Variants in ULK4 observed in about 807,000 individuals in gnomAD.
The protein encoded by ULK4 is unc-51 like kinase 4, also known as inactive serine/threonine-protein kinase ULK4.
A neutral mutation model predicts 160.6 loss-of-function variants in ULK4; 133 were observed. That is an observed-to-expected ratio of 0.83 (90% CI 0.72 to 0.96). The LOEUF (loss-of-function observed/expected upper bound fraction) is 0.96, where lower values mean the gene tolerates loss of function less well. Among genes scored for constraint, ULK4 ranks in the 40% least tolerant of loss-of-function variants. The probability of loss-of-function intolerance (pLI) is 0.00; values close to 1 mark genes in which losing one functional copy is unlikely to be tolerated. For synonymous variants in ULK4, 534 were observed against 539.8 expected (o/e 0.99, Z 0.15); for missense variants, 1,580 against 1,499.5 (o/e 1.05, Z -0.89).
chr3:41,819,033 G>A (rs1196918398), intron 19 of ULK4, among the ~76,000 whole-genome samples: 1 of 152,106 alleles, frequency 6.6e-6, no homozygotes, highest in Admixed American at 6.6e-5. Flanking sequence ...CCTCAAAATG[G>A]CAATCTGACA....
chr3:41,902,731 CAAAA>C (rs947945117), intron 12 of ULK4, among the ~76,000 whole-genome samples: 1 of 150,956 alleles, frequency 6.6e-6, no homozygotes, highest in Non-Finnish European at 1.5e-5. Context: ...CTCACATTGC[CAAAA>C]AAAAGATGGA....
In ULK4 at chr3:41,498,720, C is replaced by T. The variant is rs560485829; in HGVS notation, c.3227-35467G>A. Among the ~76,000 whole-genome samples, 632 of 152,102 alleles carry T rather than the reference C, an allele frequency of 4.2e-3. 6 individuals carry two copies. Among genetic ancestry groups the T allele is most frequent in the African/African-American group, 0.014 (600 of 41,512 alleles). The stretch of plus-strand genomic sequence containing the variant: ...ACGCCATTCTCCTGCCTCAGCCTCC[C>T]GAGTAGCTGGGACTACAGGTGCCCG... On this transcript the variant is annotated intron_variant, in intron 32 of 36. Transcript: ENST00000301831.
At chr3:41,847,758 G>C (rs1175876140) in intron 17 of ULK4, among the ~76,000 whole-genome samples, 1 of 152,104 alleles carries the variant, frequency 6.6e-6, no homozygotes, top group Non-Finnish European at 1.5e-5. Flanking sequence ...TATTTTATTT[G>C]TATTAAATCT....
intron 18 of ULK4, among the ~76,000 whole-genome samples, chr3:41,831,345 G>C (rs902270249): frequency 2.7e-4 from 41 of 150,506 alleles, no homozygotes; most frequent in African/African-American, 1.0e-3. Flanking sequence ...GGAGCTACAA[G>C]TACTGACTGA....
chr3:41,782,660 T>C (rs998672810), intron 21 of ULK4, among the ~76,000 whole-genome samples: 3 of 152,202 alleles, frequency 2.0e-5, no homozygotes, highest in Non-Finnish European at 4.4e-5. Context: ...ACTGGCACTA[T>C]AGCTATTTGC....
At chr3:41,899,981 A>G (rs1716697) in intron 13 of ULK4, among the ~76,000 whole-genome samples, 130,567 of 152,112 alleles carry the variant, frequency 0.86, 58,295 homozygotes, top group Non-Finnish European at 0.98. Flanking sequence ...TACAGAAAAA[A>G]ACATTTATAA....
At chr3:41,841,985 G>A (rs999161565) in intron 17 of ULK4, among the ~76,000 whole-genome samples, 1 of 152,034 alleles carries the variant, frequency 6.6e-6, no homozygotes, top group African/African-American at 2.4e-5. Context: ...CAAGCACCCA[G>A]GGACACAAAC....
intron 12 of ULK4, among the ~76,000 whole-genome samples, chr3:41,901,478 C>CTTTTTTTTTT (rs1305478036): frequency 4.4e-5 from 1 of 22,946 alleles, no homozygotes; most frequent in Non-Finnish European, 3.1e-4. Context: ...CCACGCCCAG[C>CTTTTTTTTTT]CTTTTTTTTT....
intron 30 of ULK4, among the ~76,000 whole-genome samples, chr3:41,635,414 T>C (rs1027779546): frequency 1.3e-5 from 2 of 152,016 alleles, no homozygotes; most frequent in Non-Finnish European, 2.9e-5. Flanking sequence ...AGAATTATAA[T>C]TTTACAACTG....
chr3:41,440,510 TC>T (rs377322931), intron 34 of ULK4, among the ~76,000 whole-genome samples: 97 of 152,296 alleles, frequency 6.4e-4, no homozygotes, highest in African/African-American at 2.3e-3. Context: ...GATAAATCCC[TC>T]TTGGCCATGG....
intron 35 of ULK4, among the ~76,000 whole-genome samples, chr3:41,359,824 T>C (rs1046220349): frequency 6.6e-6 from 1 of 152,128 alleles, no homozygotes; most frequent in Non-Finnish European, 1.5e-5. Context: ...ATAAAAACCC[T>C]AGAAGAAAAT....
At chr3:41,662,108 T>C (rs2035194534) in intron 30 of ULK4, among the ~76,000 whole-genome samples, 1 of 152,228 alleles carries the variant, frequency 6.6e-6, no homozygotes, top group Non-Finnish European at 1.5e-5. Context: ...TGAATTTTTA[T>C]GCAACTTCTA....
At chr3:41,451,769 T>C (rs936965788) in intron 34 of ULK4, among the ~76,000 whole-genome samples, 3 of 152,178 alleles carry the variant, frequency 2.0e-5, no homozygotes, top group Admixed American at 6.5e-5. Context: ...TAATATAAGG[T>C]TGAACCAAAT....
chr3:41,875,644 G>A (rs1697269329), intron 17 of ULK4, among the ~76,000 whole-genome samples: 1 of 151,714 alleles, frequency 6.6e-6, no homozygotes, highest in Non-Finnish European at 1.5e-5. Flanking sequence ...GTAATAATCT[G>A]TTGAAAATAA....
chr3:41,539,174 A>G (rs946588275), intron 32 of ULK4, among the ~76,000 whole-genome samples: 1 of 123,006 alleles, frequency 8.1e-6, no homozygotes, highest in Non-Finnish European at 1.9e-5. Context: ...AGTTCAAACC[A>G]TGTTGTTCAA....
At chr3:41,296,089 C>T (rs914619222) in intron 35 of ULK4, among the ~76,000 whole-genome samples, 1 of 152,136 alleles carries the variant, frequency 6.6e-6, no homozygotes, top group African/African-American at 2.4e-5. Context: ...AAGGAGCTAT[C>T]AAGCCATGAA....
At chr3:41,444,311 T>A (rs7641389) in intron 34 of ULK4, among the ~76,000 whole-genome samples, 48,681 of 151,678 alleles carry the variant, frequency 0.32, 8,077 homozygotes, top group African/African-American at 0.39. Context: ...GCTTAATTCT[T>A]TTGACCACTT....
intron 27 of ULK4, among the ~76,000 whole-genome samples, chr3:41,683,136 G>A (rs777472579): frequency 1.3e-5 from 2 of 151,890 alleles, no homozygotes; most frequent in Non-Finnish European, 1.5e-5. Flanking sequence ...TGCCATACCC[G>A]CTAACCCCAA....
chr3:41,377,255 T>TA (rs1668934108), intron 35 of ULK4, among the ~76,000 whole-genome samples: 1 of 152,172 alleles, frequency 6.6e-6, no homozygotes, highest in Non-Finnish European at 1.5e-5. Flanking sequence ...ACGTTAGATC[T>TA]AAAACCATAA....
Sources: gnomAD v4.1 joint callset for allele counts (sites outside exome capture counted in the v4.1 genomes callset) on GRCh38, gnomAD v4.1.1 for gene constraint, MANE v1.5 for transcripts, NCBI Gene and HGNC (gene_info 2026-07-23, HGNC 2026-07-21) for gene names.